Variants in NCOA3 observed in about 807,000 individuals in gnomAD.
NCOA3 encodes the protein CBP-interacting protein.
NCOA3 carries 51 observed loss-of-function variants against 158.8 expected under a neutral mutation model. The ratio of observed to expected loss-of-function variants is 0.32; its 90% CI spans 0.26 to 0.41. The LOEUF (loss-of-function observed/expected upper bound fraction) is 0.41. Among genes scored for constraint, NCOA3 ranks in the 10% least tolerant of loss-of-function variants. The pLI is 1.00. For missense variants in NCOA3, 1,510 were observed against 1,746.6 expected, an observed-to-expected ratio of 0.86 and a Z score of 2.41; for synonymous variants, 537 against 592.4, an observed-to-expected ratio of 0.91 and a Z score of 1.36.
intron 16 of NCOA3, among the ~76,000 whole-genome samples, chr20:47,640,481 T>C (rs1239954533): frequency 1.3e-5 from 2 of 152,230 alleles, no homozygotes; most frequent in Non-Finnish European, 2.9e-5. Flanking sequence ...TGCTGCCTAT[T>C]GAGAAAATTC....
intron 1 of NCOA3, among the ~76,000 whole-genome samples, chr20:47,582,951 C>T (rs1017202227): frequency 1.3e-5 from 2 of 152,138 alleles, no homozygotes; most frequent in Admixed American, 1.3e-4. Flanking sequence ...GATGCCATGT[C>T]GCCCGGCTAA....
intron 1 of NCOA3, among the ~76,000 whole-genome samples, chr20:47,516,596 G>A (rs947252422): frequency 2.6e-5 from 4 of 151,944 alleles, no homozygotes; most frequent in African/African-American, 4.8e-5. Flanking sequence ...GTTTAGTTTC[G>A]AATTTTAGAC....
chr20:47,559,142 A>T (rs1017860720), intron 1 of NCOA3, among the ~76,000 whole-genome samples: 1 of 151,924 alleles, frequency 6.6e-6, no homozygotes, highest in Non-Finnish European at 1.5e-5. Context: ...AATTAGAGTT[A>T]TCATGTTTGG....
chr20:47,587,043 G>T (rs1340061727), intron 2 of NCOA3, among the ~76,000 whole-genome samples: 1 of 152,144 alleles, frequency 6.6e-6, no homozygotes, highest in Non-Finnish European at 1.5e-5. Flanking sequence ...TCTAGATTTA[G>T]CATCCATTGA....
rs775866854 is a variant in NCOA3, at chr20:47,649,027, C to A, written c.3569C>A (p.Ala1190Glu). The change falls in exon 19 of 23, where the codon GCA becomes GAA. Residue 1190 changes from alanine (A) to glutamate (E), a missense_variant. Physicochemically the swap from Ala to Glu is moderately radical, Grantham distance 107. Around this residue, in one of 4 missense-constraint regions of NCOA3, gnomAD observed 1,017 missense variants for 1,098.3 expected, o/e 0.93. Transcript: ENST00000371998. Reference protein sequence around the residue: ...GQQFLNQSRQALELKMENPTA... With the variant: ...GQQFLNQSRQELELKMENPTA... The stretch of plus-strand genomic sequence containing the variant: ...CAGTTTTTGAATCAGAGCCGACAGG[C>A]ACTTGAATTGAAAATGGAAAACCCT... 2.5e-6 allele frequency: 4 copies of A among 1,613,582 alleles called. No individual in the cohort carries two copies. In the South Asian group the frequency reaches 3.3e-5, roughly 13 times the overall value.
At chr20:47,502,566 AATTTTCATGTTG>A (rs2146033181) in intron 1 of NCOA3, among the ~76,000 whole-genome samples, 1 of 151,092 alleles carries the variant, frequency 6.6e-6, no homozygotes, top group Non-Finnish European at 1.5e-5. Flanking sequence ...TTGTCCGCGG[AATTTTCATGTTG>A]GGCTCGGGTA....
At chr20:47,641,744 C>T (rs1443213521) in intron 16 of NCOA3, among the ~76,000 whole-genome samples, 1 of 151,958 alleles carries the variant, frequency 6.6e-6, no homozygotes, top group East Asian at 1.9e-4. Flanking sequence ...ATCCGCCCGC[C>T]TCGGCCTCCC....
At position 47,655,909 on chromosome 20, in the gene NCOA3, G is replaced by A. The variant is rs1019928067; in HGVS notation, c.*2492G>A. 13 of 152,122 alleles carry A rather than the reference G, an allele frequency of 8.5e-5. 1 individual carries two copies. Among genetic ancestry groups the A allele is most frequent in the Admixed American group, 6.6e-4 (10 of 15,244 alleles). The allele number at this position is 152,122 out of a possible 1,614,324, so 9.4% of individuals were successfully genotyped here. A position where few individuals can be genotyped will look rare whatever the true frequency, so the allele number is the denominator to read the frequency against. Reference sequence around the variant, plus strand: ...TTTATATTTTCTACTTGTTCATTTGGTGCAAACTCAAGATTTCTTTTAATA... The same window carrying A: ...TTTATATTTTCTACTTGTTCATTTGATGCAAACTCAAGATTTCTTTTAATA... On this transcript the variant is annotated 3_prime_UTR_variant, in exon 23 of 23. Transcript: ENST00000371998.
intron 1 of NCOA3, among the ~76,000 whole-genome samples, chr20:47,547,860 C>T (rs1056167933): frequency 2.8e-4 from 43 of 151,942 alleles, no homozygotes; most frequent in African/African-American, 9.9e-4. Context: ...GGATTACAGG[C>T]GCCTGCCACC....
chr20:47,542,415 C>G (rs1162551118), intron 1 of NCOA3, among the ~76,000 whole-genome samples: 2 of 151,930 alleles, frequency 1.3e-5, no homozygotes, highest in South Asian at 4.1e-4. Context: ...CCTCTGTCCT[C>G]TCTCTCTCTA....
intron 1 of NCOA3, among the ~76,000 whole-genome samples, chr20:47,567,036 G>C (rs1012891675): frequency 6.6e-6 from 1 of 151,746 alleles, no homozygotes; most frequent in Non-Finnish European, 1.5e-5. Context: ...ATGTATGTAT[G>C]TATGTATGTA....
At chr20:47,627,454 A>G in intron 6 of NCOA3, 107 bp from the exon 7 acceptor site, 1 of 869,166 alleles carries the variant, frequency 1.2e-6, no homozygotes, top group Non-Finnish European at 1.8e-6. Flanking sequence ...GTATAGATAT[A>G]ACTATGGAAA....
chr20:47,613,088 T>C (rs2086069428), intron 2 of NCOA3, among the ~76,000 whole-genome samples: 1 of 152,240 alleles, frequency 6.6e-6, no homozygotes, highest in African/African-American at 2.4e-5. Flanking sequence ...ATTCAGATGC[T>C]TTTCTGTTCA....
intron 1 of NCOA3, among the ~76,000 whole-genome samples, chr20:47,528,658 G>T (rs1291843923): frequency 6.6e-6 from 1 of 152,026 alleles, no homozygotes; most frequent in Non-Finnish European, 1.5e-5. Context: ...TTGAATGCTT[G>T]CTGTGTAAGC....
chr20:47,653,758 T>G lies in NCOA3; in HGVS notation c.*341T>G, dbSNP rs1285267452. On this transcript the variant is annotated 3_prime_UTR_variant, in exon 23 of 23. Coordinates refer to ENST00000371998, the MANE Select transcript of NCOA3 (RefSeq NM_181659.3). ...TTTTTCTGCCTTGCTAGCCAAAATC[T>G]CTTAAATACACGTAGGTGGGCCAGA... 2.9e-6 allele frequency: 1 copy of G among 340,172 alleles called. No homozygotes were observed. Among genetic ancestry groups the G allele is most frequent in the African/African-American group, 2.1e-5 (1 of 47,328 alleles). 21.1% of individuals were successfully genotyped at this position (340,172 alleles called of 1,614,324 possible).
chr20:47,639,275 TA>T, intron 14 of NCOA3, 73 bp downstream of exon 14: 1 of 1,218,866 alleles, frequency 8.2e-7, no homozygotes, highest in Non-Finnish European at 1.2e-6. Context: ...GCCATCTAAA[TA>T]ATTGGGAGTA....
chr20:47,511,437 CAG>C (rs1383345956), intron 1 of NCOA3, among the ~76,000 whole-genome samples: 1 of 111,074 alleles, frequency 9.0e-6, no homozygotes, highest in Non-Finnish European at 1.8e-5. Context: ...TTTTTTGAGA[CAG>C]AGTCTCTCTT....
rs1279761707 is a variant in NCOA3, at chr20:47,647,275, G to T, written c.3455G>T (p.Gly1152Val). ...CAGCAAGGCAATTTTCCTCTCCAAG[G>T]AATGCACCCACGAGCCAACATCATG... is the stretch of plus-strand genomic sequence containing the variant. ...MNQQGNFPLQ[G>V]MHPRANIMRP... Residue 1152 changes from glycine (G) to valine (V), a missense_variant, in exon 18 of 23, where the codon GGA (glycine) becomes GTA (valine). This residue lies in a region of NCOA3 where 1,017 missense variants were observed against 1,098.3 expected (regional missense o/e 0.93). Coordinates refer to ENST00000371998, the MANE Select transcript of NCOA3 (RefSeq NM_181659.3). The T allele has an allele frequency of 1.2e-6, 2 of 1,613,968 alleles. No homozygotes were observed. The highest frequency in any genetic ancestry group is 1.7e-6 in the Non-Finnish European group (2 of 1,180,030).
At chr20:47,528,931 T>A (rs2084501189) in intron 1 of NCOA3, among the ~76,000 whole-genome samples, 1 of 151,872 alleles carries the variant, frequency 6.6e-6, no homozygotes, top group African/African-American at 2.4e-5. Context: ...CACGTCCAGC[T>A]AATTTTGTAT....
Sources: gnomAD v4.1 joint callset for allele counts (sites outside exome capture counted in the v4.1 genomes callset) on GRCh38, gnomAD v4.1.1 for gene constraint, gnomAD v4.1.1 regional missense constraint, MANE v1.5 for transcripts, NCBI Gene and HGNC (gene_info 2026-07-23, HGNC 2026-07-21) for gene names.